The following PHLPP2 variants were observed in gnomAD, a reference collection of about 807,000 sequenced individuals.
PHLPP2 encodes the protein PH domain leucine-rich repeat-containing protein phosphatase 2.
A neutral mutation model predicts 124.9 loss-of-function variants in PHLPP2; 66 were observed. The ratio of observed to expected loss-of-function variants is 0.53; its 90% CI spans 0.43 to 0.65. The LOEUF (loss-of-function observed/expected upper bound fraction) is 0.65. Among genes scored for constraint, PHLPP2 ranks in the 30% least tolerant of loss-of-function variants. PHLPP2 has a pLI of 0.00. For synonymous variants in PHLPP2, 681 were observed against 624.7 expected (o/e 1.09, Z -1.34); for missense variants, 1,685 against 1,600.4 (o/e 1.05, Z -0.90).
At chr16:71,669,404 AAG>A in intron 10 of PHLPP2, 34 bp from the exon 11 acceptor site, 1 of 1,462,394 alleles carries the variant, frequency 6.8e-7, no homozygotes, top group Non-Finnish European at 9.5e-7. Flanking sequence ...GGCACCATTT[AAG>A]ATGACAAGTG....
At chr16:71,699,219 C>T (rs759529775) in intron 3 of PHLPP2, among the ~76,000 whole-genome samples, 1 of 152,088 alleles carries the variant, frequency 6.6e-6, no homozygotes, top group Admixed American at 6.6e-5. Context: ...CCAGCAAAAC[C>T]CCACCTTCGA....
intron 3 of PHLPP2, among the ~76,000 whole-genome samples, chr16:71,697,174 A>G (rs1291552546): frequency 2.7e-5 from 1 of 37,150 alleles, no homozygotes; most frequent in Non-Finnish European, 5.1e-5. Flanking sequence ...CTCTGTCTCA[A>G]TAAATAAATA....
rs775380930 is a variant in PHLPP2 at position 71,658,754 on chromosome 16, T to C, written c.2047A>G (p.Ile683Val). ...LNLSGNKLKT[I>V]PTTIANCKRL... Reference sequence around the variant, plus strand: ...TTACAGTTTGCTATGGTTGTGGGAATGGTTTTAAGCTTGTTGCCACTTAGG... The same window carrying C: ...TTACAGTTTGCTATGGTTGTGGGAACGGTTTTAAGCTTGTTGCCACTTAGG... Residue 683 changes from isoleucine (I) to valine (V), a missense_variant, in exon 14 of 19, where the codon ATT (isoleucine) becomes GTT (valine). Ile to Val is a conservative substitution (Grantham distance 29). Coordinates refer to ENST00000568954, the MANE Select transcript of PHLPP2 (RefSeq NM_015020.3). The C allele has an allele frequency of 4.3e-6, 7 of 1,614,066 alleles. No individual in the cohort carries two copies. The highest frequency in any genetic ancestry group is 3.3e-5 in the Admixed American group (2 of 60,004).
Position 71,646,813 on chromosome 16 carries a change from G to A in PHLPP2, c.*2077C>T, listed in dbSNP as rs2044656564. On this transcript the variant is annotated 3_prime_UTR_variant, in exon 19 of 19. Coordinates refer to ENST00000568954, the MANE Select transcript of PHLPP2 (RefSeq NM_015020.3). ...ACTATGTTCCCTACTTCAAATCAAA[G>A]ACCTGAGTTCTAAAATTCTCAATAG... is the stretch of plus-strand genomic sequence containing the variant. The A allele has an allele frequency of 6.6e-6, 1 of 152,052 alleles. No homozygotes were observed. Among genetic ancestry groups the A allele is most frequent in the South Asian group, 2.1e-4 (1 of 4,820 alleles). 9.4% of individuals were successfully genotyped at this position (152,052 alleles called of 1,614,324 possible). A position where few individuals can be genotyped will look rare whatever the true frequency, so the allele number is the denominator to read the frequency against.
chr16:71,652,605 G>C lies in PHLPP2; in HGVS notation c.2817+185C>G, dbSNP rs181845518. Reference sequence around the variant, plus strand: ...CTAATTCACTTTGCTTTTTCTTTGTGCTAGTCACTAACTGATCAGATTTTC... The same window carrying C: ...CTAATTCACTTTGCTTTTTCTTTGTCCTAGTCACTAACTGATCAGATTTTC... On this transcript the variant is annotated intron_variant, in intron 18 of 18. Transcript: ENST00000568954. Among the ~76,000 whole-genome samples the C allele has an allele frequency of 2.3e-3, 351 of 152,238 alleles. 1 individual carries two copies. Among genetic ancestry groups the C allele is most frequent in the Admixed American group, 3.9e-3 (60 of 15,280 alleles).
At chr16:71,695,275 A>G (rs2045158183) in intron 3 of PHLPP2, among the ~76,000 whole-genome samples, 1 of 152,224 alleles carries the variant, frequency 6.6e-6, no homozygotes, top group South Asian at 2.1e-4. Context: ...CTGAAGGAAT[A>G]CAGGTGCATA....
Position 71,681,949 on chromosome 16 carries a change from T to C in PHLPP2, c.736-44A>G, listed in dbSNP as rs374144975. On this transcript the variant is annotated intron_variant, in intron 5 of 18. Transcript: ENST00000568954. ...AAGAGCCTTCTGAGCTAGTACTGGA[T>C]GTCTATCACCCAGCAAAGAATGGAA... 6.8e-5 allele frequency: 98 copies of C among 1,434,096 alleles called. 1 individual carries two copies. The African/African-American group carries it at 1.2e-3, about 18-fold the overall frequency. The allele number at this position is 1,434,096 out of a possible 1,614,324, so 88.8% of individuals were successfully genotyped here. A position where few individuals can be genotyped will look rare whatever the true frequency, so the allele number is the denominator to read the frequency against.
chr16:71,700,076 G>A (rs1264050867), intron 3 of PHLPP2, among the ~76,000 whole-genome samples: 2 of 152,106 alleles, frequency 1.3e-5, no homozygotes, highest in African/African-American at 4.8e-5. Flanking sequence ...CCCAAAGAGG[G>A]GTCAAGAAAA....
chr16:71,656,942 A>T (rs191612050), intron 15 of PHLPP2, among the ~76,000 whole-genome samples: 1 of 148,354 alleles, frequency 6.7e-6, no homozygotes, highest in East Asian at 2.0e-4. Flanking sequence ...ATTTTATTCT[A>T]TTTTATTTAT....
chr16:71,701,294 ATC>A (rs1197791778), intron 3 of PHLPP2, among the ~76,000 whole-genome samples: 55 of 91,876 alleles, frequency 6.0e-4, no homozygotes, highest in African/African-American at 2.2e-3. Context: ...CTATCTATCT[ATC>A]TATCTATCTA....
intron 2 of PHLPP2, among the ~76,000 whole-genome samples, chr16:71,709,447 T>TA (rs1247817797): frequency 3.3e-5 from 5 of 150,748 alleles, no homozygotes; most frequent in Non-Finnish European, 7.4e-5. Context: ...AAATAAAAAT[T>TA]AAAAAAAAAG....
chr16:71,721,249 C>G (rs891044466), intron 1 of PHLPP2, among the ~76,000 whole-genome samples: 1 of 151,762 alleles, frequency 6.6e-6, no homozygotes, highest in African/African-American at 2.4e-5. Context: ...AGGAGGATCA[C>G]TTGAGCCATG....
At chr16:71,702,229 T>A (rs1345178996) in intron 3 of PHLPP2, among the ~76,000 whole-genome samples, 1 of 152,206 alleles carries the variant, frequency 6.6e-6, no homozygotes, top group East Asian at 1.9e-4. Flanking sequence ...AAGTCATATA[T>A]GATAATGATT....
At position 71,658,699 on chromosome 16, in the gene PHLPP2, T is replaced by G; in HGVS notation, c.2102A>C (p.Asn701Thr). Residue 701 changes from asparagine (N) to threonine (T), a missense_variant, in exon 14 of 19, where the codon AAC (asparagine) becomes ACC (threonine). Coordinates refer to ENST00000568954, the MANE Select transcript of PHLPP2 (RefSeq NM_015020.3). Reference protein sequence around the residue: ...KRLHTLVAHSNNISIFPEILQ... With the variant: ...KRLHTLVAHSTNISIFPEILQ... ...TATTTCTGGGAAAATGCTGATGTTG[T>G]TGGAGTGTGCAACAAGGGTGTGCAG... 7.4e-6 allele frequency: 12 copies of G among 1,614,150 alleles called. No individual in the cohort carries two copies. The highest frequency in any genetic ancestry group is 1.0e-5 in the Non-Finnish European group (12 of 1,180,006).
chr16:71,709,152 T>G (rs1195202728), intron 2 of PHLPP2, among the ~76,000 whole-genome samples: 1 of 152,190 alleles, frequency 6.6e-6, no homozygotes, highest in African/African-American at 2.4e-5. Context: ...TTTAAAATTT[T>G]TAAATAGCAC....
chr16:71,659,987 C>T (rs979057349), intron 13 of PHLPP2, among the ~76,000 whole-genome samples: 1 of 151,462 alleles, frequency 6.6e-6, no homozygotes, highest in Non-Finnish European at 1.5e-5. Flanking sequence ...AATTTCTACT[C>T]CTAGAAATTT....
intron 9 of PHLPP2, among the ~76,000 whole-genome samples, chr16:71,674,169 C>T (rs1273896956): frequency 6.6e-6 from 1 of 151,758 alleles, no homozygotes; most frequent in Non-Finnish European, 1.5e-5. Flanking sequence ...CCTCCACCTC[C>T]GGGGTTCAAG....
chr16:71,667,979 T>G (rs2044853720), intron 11 of PHLPP2, among the ~76,000 whole-genome samples: 1 of 152,140 alleles, frequency 6.6e-6, no homozygotes, highest in South Asian at 2.1e-4. Context: ...CAAGCCCCAC[T>G]CTCTTTCTCC....
In PHLPP2 at chr16:71,714,687, C is replaced by A. The variant is rs1364419177; in HGVS notation, c.109G>T (p.Gly37Ter). 6.2e-7 allele frequency: 1 copy of A among 1,613,600 alleles called. No homozygotes were observed. Among genetic ancestry groups the A allele is most frequent in the Non-Finnish European group, 8.5e-7 (1 of 1,179,814 alleles). Residue 37 changes from glycine to a stop codon, truncating the protein, a stop_gained, in exon 2 of 19, where the codon GGA becomes TGA. Transcript: ENST00000568954. LOFTEE classifies it high-confidence loss of function. The stretch of plus-strand genomic sequence containing the variant: ...GTAGTGGCAGTGGTAGTGTCTGCTC[C>A]ATAAAGGTAAACACAGCCTCTCTTT... ...DVKRGCVYLY[G>*]ADTTTATTTT...
Sources: allele counts gnomAD v4.1 joint callset (sites outside exome capture counted in the v4.1 genomes callset), GRCh38; gene constraint gnomAD v4.1.1; transcripts MANE v1.5; gene names NCBI Gene and HGNC (gene_info 2026-07-23, HGNC 2026-07-21).